The following ENOX1 variants were observed in gnomAD, a reference collection of about 807,000 sequenced individuals.
ENOX1 encodes the protein candidate growth-related and time keeping constitutive hydroquinone (NADH) oxidase.
A neutral mutation model predicts 82.5 loss-of-function variants in ENOX1; 42 were observed. The observed-to-expected ratio is 0.51, with a 90% CI of 0.40 to 0.66. The LOEUF is 0.66. Ranked by LOEUF, ENOX1 falls within the 30% of genes least tolerant of loss-of-function variation. The pLI, the probability that ENOX1 is intolerant of heterozygous loss-of-function variation, is 0.00. For synonymous variants in ENOX1, 271 were observed against 282.2 expected (o/e 0.96, Z 0.40); for missense variants, 608 against 811.6 (o/e 0.75, Z 3.05).
At chr13:43,507,719 A>C (rs2077222689) in intron 2 of ENOX1, among the ~76,000 whole-genome samples, 1 of 152,052 alleles carries the variant, frequency 6.6e-6, no homozygotes, top group African/African-American at 2.4e-5. Flanking sequence ...CCTGTGTACC[A>C]GTTACCCCAA....
At chr13:43,605,482 T>C (rs1359460738) in intron 2 of ENOX1, among the ~76,000 whole-genome samples, 1 of 152,052 alleles carries the variant, frequency 6.6e-6, no homozygotes, top group Non-Finnish European at 1.5e-5. Flanking sequence ...CAGAACAGAA[T>C]AGAGAACCCA....
chr13:43,290,855 C>T (rs540930142), intron 12 of ENOX1, among the ~76,000 whole-genome samples: 7 of 152,058 alleles, frequency 4.6e-5, no homozygotes, highest in African/African-American at 7.2e-5. Context: ...GGTGAAACCC[C>T]GTCTCTACAA....
chr13:43,582,983 GCA>G (rs1278109748), intron 2 of ENOX1, among the ~76,000 whole-genome samples: 2 of 147,852 alleles, frequency 1.4e-5, no homozygotes, highest in Non-Finnish European at 3.0e-5. Context: ...GGACACACAT[GCA>G]CAGACAGACA....
chr13:43,651,162 G>A (rs1489785327), intron 2 of ENOX1, among the ~76,000 whole-genome samples: 1 of 152,022 alleles, frequency 6.6e-6, no homozygotes, highest in African/African-American at 2.4e-5. Context: ...TAGGAAAAAT[G>A]CATCTCAGCC....
At chr13:43,377,875 G>C (rs1217044380) in intron 5 of ENOX1, among the ~76,000 whole-genome samples, 1 of 152,126 alleles carries the variant, frequency 6.6e-6, no homozygotes, top group Non-Finnish European at 1.5e-5. Flanking sequence ...CCAGAACACA[G>C]GACAAGATGG....
At chr13:43,553,758 C>T (rs1423738113) in intron 2 of ENOX1, among the ~76,000 whole-genome samples, 1 of 152,118 alleles carries the variant, frequency 6.6e-6, no homozygotes, top group East Asian at 1.9e-4. Flanking sequence ...TTCTTTCTTT[C>T]TCTTTAAAGA....
At chr13:43,589,216 G>GA (rs58912569) in intron 2 of ENOX1, among the ~76,000 whole-genome samples, 32,429 of 79,224 alleles carry the variant, frequency 0.41, 5,951 homozygotes, top group Non-Finnish European at 0.45. Flanking sequence ...GACATTAATG[G>GA]AAAAAAAAAA....
intron 1 of ENOX1, among the ~76,000 whole-genome samples, chr13:43,766,458 C>G (rs185652368): frequency 6.6e-6 from 1 of 152,180 alleles, no homozygotes; most frequent in African/African-American, 2.4e-5. Context: ...AGTTCATTCA[C>G]TTGAGGAAGC....
intron 3 of ENOX1, among the ~76,000 whole-genome samples, chr13:43,465,508 A>G (rs2057680351): frequency 6.6e-6 from 1 of 152,100 alleles, no homozygotes; most frequent in Non-Finnish European, 1.5e-5. Flanking sequence ...TCCCAGCCAC[A>G]AACTCAGTCA....
At chr13:43,395,922 C>A (rs192434775) in intron 5 of ENOX1, among the ~76,000 whole-genome samples, 2 of 146,642 alleles carry the variant, frequency 1.4e-5, no homozygotes, top group South Asian at 2.2e-4. Flanking sequence ...AGTTTCTTTA[C>A]AGAACTGTAA....
At chr13:43,268,390 G>C (rs2044501164) in intron 13 of ENOX1, among the ~76,000 whole-genome samples, 1 of 152,098 alleles carries the variant, frequency 6.6e-6, no homozygotes, top group Non-Finnish European at 1.5e-5. Context: ...AAATCATACA[G>C]AGTCAGCCTC....
At position 43,431,007 on chromosome 13, in the gene ENOX1, C is replaced by T. The variant is rs967791872; in HGVS notation, c.-74-18019G>A. Among the ~76,000 whole-genome samples the T allele has an allele frequency of 4.0e-5, 6 of 150,774 alleles. No homozygotes were observed. The East Asian group carries it at 9.8e-4, about 25-fold the overall frequency. ...TTTGGGGAGAAAGATATTAAGCTTC[C>T]CTATTTGCAAACTAAGCCATTTCAA... is the stretch of plus-strand genomic sequence containing the variant. On this transcript the variant is annotated intron_variant, in intron 3 of 16. Transcript: ENST00000690772.
intron 5 of ENOX1, among the ~76,000 whole-genome samples, chr13:43,373,211 T>C (rs1016955577): frequency 2.7e-5 from 4 of 148,690 alleles, no homozygotes; most frequent in Non-Finnish European, 6.0e-5. Context: ...GCTTTTTAAG[T>C]TCATGTTTTA....
intron 3 of ENOX1, among the ~76,000 whole-genome samples, chr13:43,444,774 T>C (rs757109343): frequency 6.6e-6 from 1 of 152,198 alleles, no homozygotes; most frequent in African/African-American, 2.4e-5. Flanking sequence ...AGTCAAGTTG[T>C]AGGAGGGATG....
chr13:43,592,028 T>A (rs1174462062), intron 2 of ENOX1, among the ~76,000 whole-genome samples: 1 of 151,756 alleles, frequency 6.6e-6, no homozygotes, highest in African/African-American at 2.4e-5. Flanking sequence ...TACAAGAGCA[T>A]CCCAGAGCCC....
chr13:43,230,705 G>A (rs1228853719), intron 15 of ENOX1, among the ~76,000 whole-genome samples: 2 of 151,992 alleles, frequency 1.3e-5, no homozygotes, highest in Non-Finnish European at 2.9e-5. Context: ...AAATATTTAG[G>A]ACCACTCCCC....
chr13:43,640,119 C>G (rs972889206), intron 2 of ENOX1, among the ~76,000 whole-genome samples: 2 of 152,174 alleles, frequency 1.3e-5, no homozygotes, highest in African/African-American at 4.8e-5. Flanking sequence ...ATTAGTCTTA[C>G]AATATTTTCC....
At chr13:43,571,503 C>A (rs1157351472) in intron 2 of ENOX1, among the ~76,000 whole-genome samples, 4 of 149,272 alleles carry the variant, frequency 2.7e-5, no homozygotes, top group Admixed American at 1.3e-4. Context: ...CATGGAGAAA[C>A]CCCACCTCTA....
At chr13:43,334,724 A>G (rs1418521642) in intron 9 of ENOX1, among the ~76,000 whole-genome samples, 2 of 152,286 alleles carry the variant, frequency 1.3e-5, no homozygotes, top group African/African-American at 2.4e-5. Flanking sequence ...AAGTGTCTGG[A>G]AAAAAAGTCC....
Sources: allele counts gnomAD v4.1 joint callset (sites outside exome capture counted in the v4.1 genomes callset), GRCh38; gene constraint gnomAD v4.1.1; transcripts MANE v1.5; gene names NCBI Gene and HGNC (gene_info 2026-07-23, HGNC 2026-07-21).